GREB1L: variants seen among roughly 807,000 people sequenced by gnomAD.
GREB1L encodes GREB1-like protein.
In GREB1L, 17 loss-of-function variants were observed where a neutral mutation model predicts 200.8. The observed-to-expected ratio is 0.08, with a 90% CI of 0.06 to 0.13. The LOEUF (loss-of-function observed/expected upper bound fraction) is 0.13, where lower values mean the gene tolerates loss of function less well. GREB1L is among the 10% of genes least tolerant of loss of function. The pLI is 1.00. For missense variants in GREB1L, 1,657 were observed against 2,367.7 expected (o/e 0.70, Z 6.23); for synonymous variants, 789 against 893.0 (o/e 0.88, Z 2.08).
chr18:21,432,146 A>G (rs1181663135), intron 7 of GREB1L, among the ~76,000 whole-genome samples: 2 of 151,632 alleles, frequency 1.3e-5, no homozygotes, highest in African/African-American at 4.8e-5. Flanking sequence ...GGTGGTTTCC[A>G]TCTCCTGACT....
intron 5 of GREB1L, among the ~76,000 whole-genome samples, chr18:21,397,625 C>G (rs962879683): frequency 6.6e-6 from 1 of 151,972 alleles, no homozygotes; most frequent in Non-Finnish European, 1.5e-5. Context: ...AGCGTGAACC[C>G]GGGAGGTGGA....
chr18:21,350,939 CATCTT>C lies in GREB1L; in HGVS notation c.-119-15085_-119-15081del, dbSNP rs1405997874. On this transcript the variant is annotated intron_variant, in intron 1 of 32. Transcript: ENST00000424526. ...TATTCCTGGCTGGCTACTTCAACCT[CATCTT>C]ATTTATTCTCATTCTTCTTCTCTGT... is the stretch of plus-strand genomic sequence containing the variant. Among the ~76,000 whole-genome samples the C allele has an allele frequency of 2.4e-4, 37 of 152,148 alleles. 1 individual carries two copies. Among genetic ancestry groups the C allele is most frequent in the African/African-American group, 7.0e-4 (29 of 41,436 alleles).
chr18:21,471,707 G>A (rs1358162212), intron 15 of GREB1L, among the ~76,000 whole-genome samples: 2 of 146,770 alleles, frequency 1.4e-5, no homozygotes, highest in African/African-American at 2.6e-5. Flanking sequence ...CCGCAACCTC[G>A]GCCTCCTGGG....
chr18:21,424,958 T>G (rs2032444821), intron 7 of GREB1L, among the ~76,000 whole-genome samples: 1 of 152,232 alleles, frequency 6.6e-6, no homozygotes, highest in Admixed American at 6.5e-5. Flanking sequence ...TTTTCAAGGT[T>G]CATCCATATC....
At chr18:21,278,731 T>G (rs1395255415) in intron 1 of GREB1L, among the ~76,000 whole-genome samples, 2 of 152,126 alleles carry the variant, frequency 1.3e-5, no homozygotes, top group Non-Finnish European at 2.9e-5. Context: ...AGTCCAGATT[T>G]GAATAAAATA....
At chr18:21,462,953 G>T (rs939556996) in intron 15 of GREB1L, among the ~76,000 whole-genome samples, 18 of 152,068 alleles carry the variant, frequency 1.2e-4, no homozygotes, top group Non-Finnish European at 2.6e-4. Context: ...ATTAATTCAA[G>T]TAATTTTTTA....
At chr18:21,468,149 A>G (rs1028459439) in intron 15 of GREB1L, among the ~76,000 whole-genome samples, 5 of 152,188 alleles carry the variant, frequency 3.3e-5, no homozygotes, top group Non-Finnish European at 5.9e-5. Context: ...AATATCCACC[A>G]AGTGATGAAT....
At chr18:21,326,858 T>C (rs770694984) in intron 1 of GREB1L, among the ~76,000 whole-genome samples, 1 of 152,196 alleles carries the variant, frequency 6.6e-6, no homozygotes, top group African/African-American at 2.4e-5. Flanking sequence ...CTCCTCCTTT[T>C]TCCCTAAACT....
chr18:21,510,951 T>G (rs1007521222), intron 27 of GREB1L, among the ~76,000 whole-genome samples: 1 of 152,222 alleles, frequency 6.6e-6, no homozygotes. Flanking sequence ...TCTGTATATC[T>G]TCTTTGAAGA....
chr18:21,341,968 A>G (rs1470797307), intron 1 of GREB1L, among the ~76,000 whole-genome samples: 1 of 152,154 alleles, frequency 6.6e-6, no homozygotes, highest in Non-Finnish European at 1.5e-5. Flanking sequence ...GTTATAATCA[A>G]ACAAAACTGG....
intron 16 of GREB1L, among the ~76,000 whole-genome samples, 190 bp from the exon 17 acceptor site, chr18:21,476,974 T>C (rs2035726718): frequency 6.6e-6 from 1 of 152,136 alleles, no homozygotes; most frequent in African/African-American, 2.4e-5. Flanking sequence ...TACATATTCC[T>C]GAAATCTGTC....
At chr18:21,499,127 G>A (rs539147417) in intron 21 of GREB1L, among the ~76,000 whole-genome samples, 1 of 152,180 alleles carries the variant, frequency 6.6e-6, no homozygotes, top group Non-Finnish European at 1.5e-5. Context: ...CATGGAAGGG[G>A]TTGCAGTCTG....
At chr18:21,506,576 G>A (rs1475961403) in intron 25 of GREB1L, among the ~76,000 whole-genome samples, 1 of 152,200 alleles carries the variant, frequency 6.6e-6, no homozygotes, top group Non-Finnish European at 1.5e-5. Flanking sequence ...ATATATTACA[G>A]TATATTTGAT....
intron 7 of GREB1L, among the ~76,000 whole-genome samples, chr18:21,432,223 T>C (rs886556193): frequency 7.2e-5 from 11 of 152,080 alleles, no homozygotes; most frequent in Non-Finnish European, 1.6e-4. Context: ...GTGCCCGGCC[T>C]AGAGTCTATT....
chr18:21,352,699 G>T (rs904840304), intron 1 of GREB1L, among the ~76,000 whole-genome samples: 1 of 151,870 alleles, frequency 6.6e-6, no homozygotes, highest in African/African-American at 2.4e-5. Context: ...CTCCGAAAGT[G>T]CTGGGATTAC....
chr18:21,300,201 A>G (rs1269635641), intron 1 of GREB1L, among the ~76,000 whole-genome samples: 1 of 152,210 alleles, frequency 6.6e-6, no homozygotes, highest in Non-Finnish European at 1.5e-5. Context: ...GCTAATAGGA[A>G]ATGGATCATT....
chr18:21,500,248 C>T lies in GREB1L; in HGVS notation c.3911C>T (p.Pro1304Leu), dbSNP rs9957726. 5.1e-4 allele frequency: 768 copies of T among 1,506,200 alleles called. 5 individuals are homozygous for T. The African/African-American group carries it at 9.3e-3, about 18-fold the overall frequency. The allele number at this position is 1,506,200 out of a possible 1,614,324, so 93.3% of individuals were successfully genotyped here. The change falls in exon 22 of 33, where the codon CCG becomes CTG. Residue 1304 changes from proline (P) to leucine (L), a missense_variant. Transcript: ENST00000424526. The part of the protein sequence containing the change: ...HHADYSNQLD[P>L]ASGTRNFHPR... ...GCTGACTATAGCAACCAGCTGGACCCGGCCTCTGGCACCCGAAACTTCCAC... is the reference window on the plus strand; with the variant it reads ...GCTGACTATAGCAACCAGCTGGACCTGGCCTCTGGCACCCGAAACTTCCAC...
chr18:21,298,434 T>G (rs1473138897), intron 1 of GREB1L, among the ~76,000 whole-genome samples: 2 of 152,214 alleles, frequency 1.3e-5, no homozygotes, highest in East Asian at 3.8e-4. Context: ...GATTTATGAT[T>G]ATATCTTATC....
intron 6 of GREB1L, chr18:21,401,675 G>C (rs915915239): frequency 1.2e-5 from 2 of 169,818 alleles, no homozygotes; most frequent in African/African-American, 4.8e-5. Context: ...AATTTCTTTG[G>C]AGATTCTCAA....
Sources: gnomAD v4.1 joint callset for allele counts (sites outside exome capture counted in the v4.1 genomes callset) on GRCh38, gnomAD v4.1.1 for gene constraint, MANE v1.5 for transcripts, NCBI Gene and HGNC (gene_info 2026-07-23, HGNC 2026-07-21) for gene names.